Variants in ADAD1 observed in about 807,000 individuals in gnomAD.
The protein encoded by ADAD1 is adenosine deaminase domain-containing protein 1.
In ADAD1, 46 loss-of-function variants were observed where a neutral mutation model predicts 66.8. That is an observed-to-expected ratio of 0.69 (90% CI 0.54 to 0.88). The LOEUF is 0.88. ADAD1 is among the 40% of genes least tolerant of loss of function. The probability of loss-of-function intolerance (pLI) is 0.00; values close to 1 mark genes in which losing one functional copy is unlikely to be tolerated. For missense variants in ADAD1, 617 were observed against 681.8 expected, an observed-to-expected ratio of 0.91 and a Z score of 1.06; for synonymous variants, 248 against 229.4, an observed-to-expected ratio of 1.08 and a Z score of -0.73.
At chr4:122,425,540 TAA>T (rs1470086107) in intron 12 of ADAD1, among the ~76,000 whole-genome samples, 1 of 151,672 alleles carries the variant, frequency 6.6e-6, no homozygotes, top group Non-Finnish European at 1.5e-5. Flanking sequence ...TTTGTATCCA[TAA>T]GTTATGCATC....
intron 5 of ADAD1, among the ~76,000 whole-genome samples, chr4:122,387,228 T>C (rs1352070167): frequency 1.3e-5 from 2 of 152,184 alleles, no homozygotes; most frequent in African/African-American, 2.4e-5. Context: ...CAGTGGTTTG[T>C]AGTTCTTCTT....
At chr4:122,429,326 T>A (rs1396669732) in intron 12 of ADAD1, among the ~76,000 whole-genome samples, 1 of 151,328 alleles carries the variant, frequency 6.6e-6, no homozygotes, top group Non-Finnish European at 1.5e-5. Context: ...TCCTAGCAAC[T>A]CAGGAGGCTG....
At chr4:122,407,881 C>T (rs1353701312) in intron 7 of ADAD1, 27 bp from the exon 8 acceptor site, 2 of 1,606,402 alleles carry the variant, frequency 1.2e-6, no homozygotes, top group Non-Finnish European at 1.7e-6. Flanking sequence ...TTAAATTAAC[C>T]TGCTACTGTC....
At chr4:122,393,472 G>T in intron 5 of ADAD1, 117 bp from the exon 6 acceptor site, 1 of 739,342 alleles carries the variant, frequency 1.4e-6, no homozygotes, top group Non-Finnish European at 2.1e-6. Flanking sequence ...GCCCAGAGTT[G>T]GCAAAAATAC....
chr4:122,423,404 A>T (rs62321756), intron 12 of ADAD1, among the ~76,000 whole-genome samples: 7,482 of 152,238 alleles, frequency 0.049, 259 homozygotes, highest in Non-Finnish European at 0.074. Context: ...CTGACTGAAA[A>T]ACTACACTCA....
chr4:122,393,774 C>A, intron 6 of ADAD1, 117 bp downstream of exon 6: 1 of 684,192 alleles, frequency 1.5e-6, no homozygotes, highest in Non-Finnish European at 2.2e-6. Flanking sequence ...ATCATCCAAA[C>A]CTTTCACACT....
chr4:122,400,981 T>C (rs1013695624), intron 7 of ADAD1, among the ~76,000 whole-genome samples: 1 of 152,196 alleles, frequency 6.6e-6, no homozygotes, highest in Non-Finnish European at 1.5e-5. Context: ...TTTTTGGTGT[T>C]TTTTGTTTCA....
rs148251939 is a variant in ADAD1, at chr4:122,414,237, GT to G, written c.1250-1132del. Among the ~76,000 whole-genome samples the G allele has an allele frequency of 1.5e-4, 15 of 100,992 alleles. No individual in the cohort carries two copies. In the East Asian group the frequency reaches 2.4e-3, roughly 16 times the overall value. 66.3% of individuals were successfully genotyped at this position (100,992 alleles called of 152,430 possible). ...TTCATGAGGAATTTGACTTACAGGT[GT>G]TTTTTTTTTCTTCCTTTTTCCAAAT... On this transcript the variant is annotated intron_variant, in intron 10 of 12. Coordinates refer to ENST00000296513, the MANE Select transcript of ADAD1 (RefSeq NM_139243.4).
chr4:122,414,284 G>GGC (rs1553924568), intron 10 of ADAD1, among the ~76,000 whole-genome samples: 2 of 115,264 alleles, frequency 1.7e-5, no homozygotes, highest in African/African-American at 6.4e-5. Flanking sequence ...TTGGGGGGGG[G>GGC]GGTACAACTA....
At chr4:122,419,643 C>A in intron 11 of ADAD1, among the ~76,000 whole-genome samples, 1 of 152,234 alleles carries the variant, frequency 6.6e-6, no homozygotes, top group Middle Eastern at 3.4e-3. Context: ...AATTTAACAG[C>A]ACATTACAAT....
At position 122,380,214 on chromosome 4, in the gene ADAD1, A is replaced by G. The variant is rs775722168; in HGVS notation, c.145A>G (p.Met49Val). 6.2e-7 allele frequency: 1 copy of G among 1,612,494 alleles called. No individual in the cohort carries two copies. Among genetic ancestry groups the G allele is most frequent in the South Asian group, 1.1e-5 (1 of 90,616 alleles). The change falls in exon 3 of 13, where the codon ATG becomes GTG. Residue 49 changes from methionine (M) to valine (V), a missense_variant. Physicochemically the swap from Met to Val is conservative, Grantham distance 21 (BLOSUM62 1). Coordinates refer to ENST00000296513, the MANE Select transcript of ADAD1 (RefSeq NM_139243.4). ...CTCAGAAAGTTACGGCCTGTCCAAG[A>G]TGGCATCCAAGGTTACGCAAGTAAC... Reference protein sequence around the residue: ...WSSESYGLSKMASKVTQVTGN... With the variant: ...WSSESYGLSKVASKVTQVTGN...
intron 7 of ADAD1, among the ~76,000 whole-genome samples, chr4:122,402,072 G>C (rs924029646): frequency 6.6e-6 from 1 of 150,928 alleles, no homozygotes; most frequent in African/African-American, 2.4e-5. Context: ...TTTTTTAATT[G>C]TGTTATTGTT....
At chr4:122,417,914 A>G (rs891442612) in intron 11 of ADAD1, among the ~76,000 whole-genome samples, 1 of 152,228 alleles carries the variant, frequency 6.6e-6, no homozygotes, top group Non-Finnish European at 1.5e-5. Context: ...ATATAAACTG[A>G]AATTGCAGAA....
chr4:122,410,445 TGTA>T (rs1444816960), intron 8 of ADAD1, among the ~76,000 whole-genome samples: 1 of 152,194 alleles, frequency 6.6e-6, no homozygotes, highest in African/African-American at 2.4e-5. Flanking sequence ...TTTGATTAGT[TGTA>T]GTCTTTCAGG....
intron 5 of ADAD1, among the ~76,000 whole-genome samples, chr4:122,387,868 T>G (rs1795250366): frequency 1.3e-5 from 2 of 151,956 alleles, no homozygotes; most frequent in Admixed American, 1.3e-4. Flanking sequence ...CATGCCATTC[T>G]CCTGCCTGAG....
Position 122,408,038 on chromosome 4 carries a change from C to T in ADAD1, c.848+7C>T. 6.2e-7 allele frequency: 1 copy of T among 1,609,796 alleles called. No homozygotes were observed. Among genetic ancestry groups the T allele is most frequent in the Non-Finnish European group, 8.5e-7 (1 of 1,177,796 alleles). ...CAAGAAGGTCTCTTCTTAGGTAAGA[C>T]AATACATATATTAATGTTATTAAAT... On this transcript the variant is annotated splice_region_variant and intron_variant, in intron 8 of 12. Coordinates refer to ENST00000296513, the MANE Select transcript of ADAD1 (RefSeq NM_139243.4).
At position 122,421,266 on chromosome 4, in the gene ADAD1, C is replaced by A; in HGVS notation, c.1493C>A (p.Pro498Gln). ...GLSGKITESS[P>Q]FKSGMSMASR... ...TTTTATTTCTCTCTGCTTAGTTCCC[C>A]ATTTAAAAGTGGTATGTCAATGGCA... Residue 498 changes from proline (P) to glutamine (Q), a missense_variant, in exon 12 of 13, where the codon CCA becomes CAA. By Grantham distance (76) the Pro-to-Gln change is moderately conservative. Coordinates refer to ENST00000296513, the MANE Select transcript of ADAD1 (RefSeq NM_139243.4). 6.3e-7 allele frequency: 1 copy of A among 1,587,458 alleles called. No homozygotes were observed. Among genetic ancestry groups the A allele is most frequent in the Non-Finnish European group, 8.6e-7 (1 of 1,163,790 alleles).
At position 122,415,381 on chromosome 4, in the gene ADAD1, G is replaced by A. The variant is rs147371432; in HGVS notation, c.1252G>A (p.Asp418Asn). 761 of 1,607,702 alleles carry A rather than the reference G, an allele frequency of 4.7e-4. 1 individual carries two copies. Among genetic ancestry groups the A allele is most frequent in the Admixed American group, 6.9e-4 (41 of 59,156 alleles). Residue 418 changes from aspartate to asparagine, a missense_variant and splice_region_variant, in exon 11 of 13, where the codon GAT (aspartate) becomes AAT (asparagine). Physicochemically the swap from Asp to Asn is conservative, Grantham distance 23 (BLOSUM62 1). Coordinates refer to ENST00000296513, the MANE Select transcript of ADAD1 (RefSeq NM_139243.4). ...PVYISSILIG[D>N]GNCSDTRGLE... is the part of the protein sequence containing the mutation. ...AGTGTTTTGTTTTTGCTTTCTAGGT[G>A]ATGGGAATTGCAGTGATACCAGAGG...
At chr4:122,379,689 G>A (rs1561526048) in intron 2 of ADAD1, 3 of 158,132 alleles carry the variant, frequency 1.9e-5, no homozygotes, top group Non-Finnish European at 4.2e-5. Context: ...ACTTTGGTGG[G>A]TAGGGGTTGG....
Sources: gnomAD v4.1 joint callset for allele counts (sites outside exome capture counted in the v4.1 genomes callset) on GRCh38, gnomAD v4.1.1 for gene constraint, MANE v1.5 for transcripts, NCBI Gene and HGNC (gene_info 2026-07-23, HGNC 2026-07-21) for gene names.